NBAS: variants seen among roughly 807,000 people sequenced by gnomAD.
NBAS encodes the protein NAG/BC035112 fusion.
In NBAS, 219 loss-of-function variants were observed where a neutral mutation model predicts 302.5. That is an observed-to-expected ratio of 0.72 (90% CI 0.65 to 0.81). The LOEUF is 0.81. Among genes scored for constraint, NBAS ranks in the 30% least tolerant of loss-of-function variants. The probability of loss-of-function intolerance (pLI) is 0.00; values close to 1 mark genes in which losing one functional copy is unlikely to be tolerated. For synonymous variants in NBAS, 1,118 were observed against 1,021.6 expected, an observed-to-expected ratio of 1.09 and a Z score of -1.80; for missense variants, 2,932 against 2,841.6, an observed-to-expected ratio of 1.03 and a Z score of -0.72.
At chr2:15,261,881 G>A (rs1225087505) in intron 44 of NBAS, among the ~76,000 whole-genome samples, 1 of 152,136 alleles carries the variant, frequency 6.6e-6, no homozygotes, top group Non-Finnish European at 1.5e-5. Flanking sequence ...ACCACAAATT[G>A]TTATTATTAA....
At chr2:14,903,676 G>T in the NBAS span, among the ~76,000 whole-genome samples, 1 of 152,134 alleles carries the variant, frequency 6.6e-6, no homozygotes, top group Admixed American at 6.5e-5. Context: ...AAACTTTCAC[G>T]TTAGTACAAA....
Position 15,356,416 on chromosome 2 carries a change from C to A in NBAS, c.3818G>T (p.Gly1273Val), listed in dbSNP as rs1343440024. 3 of 1,610,760 alleles carry A rather than the reference C, an allele frequency of 1.9e-6. No individual in the cohort carries two copies. The highest frequency in any genetic ancestry group is 1.7e-6 in the Non-Finnish European group (2 of 1,177,020). ...TCCCCGCCTTTCTTCTGGGTTCTCA[C>A]CTGTAAGTCCAAGCAAAGGACTTAA... ...LGLAELLRVA[G>V]ENPEERRGQV... The change falls in exon 33 of 52, where the codon GGT (glycine) becomes GTT (valine). Residue 1273 changes from glycine (G) to valine (V), a missense_variant and splice_region_variant. Gly to Val is a moderately radical substitution (Grantham distance 109). Coordinates refer to ENST00000281513, the MANE Select transcript of NBAS (RefSeq NM_015909.4).
At chr2:15,162,454 CG>C (rs1663922403), downstream of NBAS, among the ~76,000 whole-genome samples, 1 of 152,118 alleles carries the variant, frequency 6.6e-6, no homozygotes, top group South Asian at 2.1e-4. Flanking sequence ...TGACAGCCAC[CG>C]GGGGAGCAGA....
At chr2:14,924,843 C>T in the NBAS span, among the ~76,000 whole-genome samples, 206 of 152,216 alleles carry the variant, frequency 1.4e-3, no homozygotes, top group African/African-American at 4.8e-3. Flanking sequence ...CAGGGAAAGG[C>T]CCCTTAACTT....
the NBAS span, among the ~76,000 whole-genome samples, chr2:15,005,179 G>A: frequency 2.0e-5 from 3 of 151,988 alleles, no homozygotes; most frequent in Non-Finnish European, 2.9e-5. Flanking sequence ...TGTTAAATGC[G>A]CGCATGGGTA....
the NBAS span, among the ~76,000 whole-genome samples, chr2:15,045,750 A>G: frequency 6.6e-6 from 1 of 152,222 alleles, no homozygotes; most frequent in Non-Finnish European, 1.5e-5. Context: ...GCTAAATCAC[A>G]AAGTAGTTCT....
the NBAS span, among the ~76,000 whole-genome samples, chr2:14,965,062 G>A: frequency 6.6e-6 from 1 of 151,912 alleles, no homozygotes; most frequent in Admixed American, 6.6e-5. Context: ...TATAATACTA[G>A]ATACCTGCAT....
At position 15,328,394 on chromosome 2, in the gene NBAS, G is replaced by A. The variant is rs893555427; in HGVS notation, c.4348-82C>T. On this transcript the variant is annotated intron_variant, in intron 36 of 51. Transcript: ENST00000281513. The stretch of plus-strand genomic sequence containing the variant: ...AGAAGAAGTAAAAGCAAGGAAAGAA[G>A]GGAGAGAGGGAGGAAGAAAAGGCTG... The A allele has an allele frequency of 5.3e-6, 6 of 1,134,284 alleles. No individual in the cohort carries two copies. The African/African-American group carries it at 7.7e-5, about 15-fold the overall frequency. 70.3% of individuals were successfully genotyped at this position (1,134,284 alleles called of 1,614,324 possible).
chr2:15,317,429 A>C (rs1237791564), intron 38 of NBAS, among the ~76,000 whole-genome samples: 1 of 152,196 alleles, frequency 6.6e-6, no homozygotes, highest in East Asian at 1.9e-4. Context: ...AAGCTTCAGA[A>C]GGTCGGTAAT....
chr2:14,953,605 C>A, the NBAS span, among the ~76,000 whole-genome samples: 1 of 152,126 alleles, frequency 6.6e-6, no homozygotes, highest in South Asian at 2.1e-4. Context: ...AACTTCCTAC[C>A]TGCCCAGGCA....
chr2:14,833,122 A>G, the NBAS span, among the ~76,000 whole-genome samples: 85 of 152,318 alleles, frequency 5.6e-4, 1 homozygote, highest in African/African-American at 1.9e-3. Flanking sequence ...AACTTCATAA[A>G]CATTTGTTAA....
intron 47 of NBAS, among the ~76,000 whole-genome samples, chr2:15,223,924 T>C (rs1480626865): frequency 1.3e-5 from 2 of 152,194 alleles, no homozygotes; most frequent in East Asian, 3.8e-4. Context: ...CCTTTTTCCC[T>C]ATAATGAGAT....
intron 6 of NBAS, among the ~76,000 whole-genome samples, chr2:15,542,980 T>C (rs1663923317): frequency 6.6e-6 from 1 of 152,246 alleles, no homozygotes; most frequent in African/African-American, 2.4e-5. Flanking sequence ...AGATTTCATA[T>C]AACAATGTGA....
chr2:15,162,664 C>T (rs187356723), downstream of NBAS, among the ~76,000 whole-genome samples: 94 of 152,310 alleles, frequency 6.2e-4, no homozygotes, highest in Admixed American at 3.4e-3. Context: ...CCTTCCTTCT[C>T]GTATCTACCG....
downstream of NBAS, among the ~76,000 whole-genome samples, chr2:15,164,844 G>A (rs545736162): frequency 1.5e-3 from 226 of 152,136 alleles, 1 homozygote; most frequent in African/African-American, 4.6e-3. Flanking sequence ...CCTCCCCGCC[G>A]CCCACAGAAA....
chr2:15,175,622 C>T (rs1489962528), intron 51 of NBAS, among the ~76,000 whole-genome samples: 2 of 152,136 alleles, frequency 1.3e-5, no homozygotes, highest in African/African-American at 2.4e-5. Context: ...ATCCAGAAGT[C>T]TATACCATGC....
chr2:15,538,508 G>T (rs537496243), intron 7 of NBAS: 1 of 246,512 alleles, frequency 4.1e-6, no homozygotes, highest in South Asian at 4.7e-5. Context: ...TGTGAGTAGC[G>T]CCTGGGCAAT....
the NBAS span, among the ~76,000 whole-genome samples, chr2:14,951,055 A>G: frequency 2.6e-5 from 4 of 152,180 alleles, no homozygotes; most frequent in South Asian, 2.1e-4. Context: ...CTGAAAAAGA[A>G]CACAGCATCT....
chr2:15,344,816 G>A (rs1018321732), intron 35 of NBAS, among the ~76,000 whole-genome samples: 2 of 152,100 alleles, frequency 1.3e-5, no homozygotes, highest in African/African-American at 4.8e-5. Flanking sequence ...TACCCACCAC[G>A]ATCAAGTTGG....
Sources: gnomAD v4.1 joint callset for allele counts (sites outside exome capture counted in the v4.1 genomes callset) on GRCh38, gnomAD v4.1.1 for gene constraint, MANE v1.5 for transcripts, NCBI Gene and HGNC (gene_info 2026-07-23, HGNC 2026-07-21) for gene names.